The following TMTC2 variants were observed in gnomAD, a reference collection of about 807,000 sequenced individuals.
The protein encoded by TMTC2 is protein O-mannosyl-transferase TMTC2.
TMTC2 carries 43 observed loss-of-function variants against 82.4 expected under a neutral mutation model. That is an observed-to-expected ratio of 0.52 (90% CI 0.41 to 0.67). The LOEUF (loss-of-function observed/expected upper bound fraction) is 0.67. Ranked by LOEUF, TMTC2 falls within the 30% of genes least tolerant of loss-of-function variation. TMTC2 has a pLI of 0.00. For synonymous variants in TMTC2, 408 were observed against 381.9 expected, an observed-to-expected ratio of 1.07 and a Z score of -0.80; for missense variants, 919 against 1,012.4, an observed-to-expected ratio of 0.91 and a Z score of 1.25.
intron 1 of TMTC2, among the ~76,000 whole-genome samples, chr12:82,708,926 C>G (rs1230397555): frequency 6.6e-6 from 1 of 152,168 alleles, no homozygotes; most frequent in African/African-American, 2.4e-5. Context: ...GGTCAGCCTA[C>G]TGGTCCTGAT....
chr12:83,106,670 A>G (rs578126993), intron 11 of TMTC2, among the ~76,000 whole-genome samples: 1 of 152,246 alleles, frequency 6.6e-6, no homozygotes, highest in Non-Finnish European at 1.5e-5. Context: ...AAACTTGCCT[A>G]TGAAGACATG....
Position 83,092,726 on chromosome 12 carries a change from G to A in TMTC2, c.2331+30895G>A, listed in dbSNP as rs1883883845. On this transcript the variant is annotated intron_variant, in intron 11 of 11. Transcript: ENST00000321196. ...TTCTTGCTGTTTCCATGACTAAAAG[G>A]GAATGTTTTATCATTTGTCTCTTAT... 2.0e-5 allele frequency among the ~76,000 whole-genome samples: 3 copies of A among 152,086 alleles called. No individual in the cohort carries two copies. The South Asian group carries it at 6.2e-4, about 32-fold the overall frequency.
intron 9 of TMTC2, among the ~76,000 whole-genome samples, chr12:83,033,579 C>T (rs1007846888): frequency 1.1e-4 from 16 of 151,858 alleles, no homozygotes; most frequent in South Asian, 2.1e-4. Context: ...GGAGAAACCC[C>T]GTCTCTACTA....
intron 1 of TMTC2, among the ~76,000 whole-genome samples, chr12:82,840,608 G>T (rs1318877737): frequency 6.6e-6 from 1 of 152,162 alleles, no homozygotes; most frequent in Non-Finnish European, 1.5e-5. Flanking sequence ...TGATCTCATG[G>T]TCCTGGTTTT....
intron 8 of TMTC2, among the ~76,000 whole-genome samples, chr12:83,014,380 T>G (rs1880583295): frequency 6.6e-6 from 1 of 152,136 alleles, no homozygotes; most frequent in Non-Finnish European, 1.5e-5. Flanking sequence ...TTGCTCTTGT[T>G]GCCAGGCTGG....
intron 4 of TMTC2, among the ~76,000 whole-genome samples, chr12:82,952,182 G>T (rs1877386000): frequency 1.3e-5 from 2 of 151,626 alleles, no homozygotes; most frequent in African/African-American, 2.4e-5. Context: ...TCTAGTATTT[G>T]GATATGAAAA....
chr12:82,987,189 C>T (rs867751547), intron 8 of TMTC2, among the ~76,000 whole-genome samples: 1 of 151,836 alleles, frequency 6.6e-6, no homozygotes, highest in African/African-American at 2.4e-5. Flanking sequence ...TTTAGGGGGC[C>T]GAGGCAGGCA....
chr12:83,032,296 G>A (rs1217579096), intron 9 of TMTC2, among the ~76,000 whole-genome samples: 2 of 91,704 alleles, frequency 2.2e-5, no homozygotes, highest in African/African-American at 8.9e-5. Flanking sequence ...TATATATATA[G>A]GTTTGTCACA....
chr12:82,827,973 A>G (rs1307701203), intron 1 of TMTC2, among the ~76,000 whole-genome samples: 1 of 149,612 alleles, frequency 6.7e-6, no homozygotes, highest in Non-Finnish European at 1.5e-5. Context: ...GCTCACTGCA[A>G]CCTCCGCCTC....
chr12:83,005,433 G>A (rs1880155740), intron 8 of TMTC2, among the ~76,000 whole-genome samples: 1 of 152,018 alleles, frequency 6.6e-6, no homozygotes, highest in Admixed American at 6.6e-5. Flanking sequence ...TGGTGGGGGA[G>A]ATGGGAGAGA....
intron 1 of TMTC2, among the ~76,000 whole-genome samples, chr12:82,823,979 C>T (rs575896129): frequency 1.7e-4 from 26 of 151,832 alleles, no homozygotes; most frequent in Admixed American, 5.2e-4. Context: ...TTGCAACCTC[C>T]GCTTCCCAGG....
At chr12:82,825,362 G>T (rs576382763) in intron 1 of TMTC2, among the ~76,000 whole-genome samples, 10 of 152,318 alleles carry the variant, frequency 6.6e-5, no homozygotes, top group Non-Finnish European at 1.5e-4. Context: ...GAACATGAAT[G>T]GGAGAGCATG....
At chr12:83,007,135 C>T (rs1284318261) in intron 8 of TMTC2, among the ~76,000 whole-genome samples, 5 of 151,666 alleles carry the variant, frequency 3.3e-5, no homozygotes, top group South Asian at 2.1e-4. Flanking sequence ...AAAAAAAATT[C>T]GAACTCTCAG....
At chr12:83,091,303 A>T (rs2137519447) in intron 11 of TMTC2, among the ~76,000 whole-genome samples, 1 of 152,328 alleles carries the variant, frequency 6.6e-6, no homozygotes, top group South Asian at 2.1e-4. Context: ...TCTATAAATA[A>T]ATATTTATTT....
intron 11 of TMTC2, among the ~76,000 whole-genome samples, chr12:83,115,158 G>A (rs926086943): frequency 6.6e-6 from 1 of 152,092 alleles, no homozygotes; most frequent in African/African-American, 2.4e-5. Flanking sequence ...AGTTGGATGG[G>A]CTGTACAGCT....
At chr12:82,830,939 G>A (rs1049606449) in intron 1 of TMTC2, among the ~76,000 whole-genome samples, 4 of 152,138 alleles carry the variant, frequency 2.6e-5, no homozygotes, top group Non-Finnish European at 5.9e-5. Context: ...AGGGTAGATA[G>A]TCCATATCAA....
At chr12:82,787,692 C>G (rs184105017) in intron 1 of TMTC2, among the ~76,000 whole-genome samples, 2 of 151,976 alleles carry the variant, frequency 1.3e-5, no homozygotes, top group African/African-American at 4.8e-5. Flanking sequence ...GTGGATCACA[C>G]GAGGTCAGGA....
chr12:82,832,543 G>A (rs188634625), intron 1 of TMTC2, among the ~76,000 whole-genome samples: 6 of 152,156 alleles, frequency 3.9e-5, no homozygotes, highest in Admixed American at 3.3e-4. Context: ...GTAATAATTT[G>A]TCCTGCATTA....
chr12:82,834,399 C>T lies in TMTC2; in HGVS notation c.84-22611C>T, dbSNP rs75337965. 3.6e-3 allele frequency among the ~76,000 whole-genome samples: 545 copies of T among 152,234 alleles called. 3 individuals are homozygous for T. Among genetic ancestry groups the T allele is most frequent in the African/African-American group, 0.013 (528 of 41,536 alleles). On this transcript the variant is annotated intron_variant, in intron 1 of 11. Coordinates refer to ENST00000321196, the MANE Select transcript of TMTC2 (RefSeq NM_152588.3). ...TCTATAACCTCTGTTTGTGAATATC[C>T]AGTAATGGAGAATTCGCTAAGTTCC...
Sources: allele counts gnomAD v4.1 joint callset (sites outside exome capture counted in the v4.1 genomes callset), GRCh38; gene constraint gnomAD v4.1.1; transcripts MANE v1.5; gene names NCBI Gene and HGNC (gene_info 2026-07-23, HGNC 2026-07-21).